The following RALGPS2 variants were observed in gnomAD, a reference collection of about 807,000 sequenced individuals.
RALGPS2 encodes the protein ras-specific guanine nucleotide-releasing factor RalGPS2.
A neutral mutation model predicts 86.8 loss-of-function variants in RALGPS2; 43 were observed. The ratio of observed to expected loss-of-function variants is 0.50; its 90% CI spans 0.39 to 0.64. The LOEUF (loss-of-function observed/expected upper bound fraction) is 0.64, where lower values mean the gene tolerates loss of function less well. RALGPS2 is among the 30% of genes least tolerant of loss of function. The pLI is 0.00. For synonymous variants in RALGPS2, 243 were observed against 231.3 expected, an observed-to-expected ratio of 1.05 and a Z score of -0.46; for missense variants, 536 against 694.6, an observed-to-expected ratio of 0.77 and a Z score of 2.57.
At chr1:178,885,328 G>A (rs906393601) in intron 12 of RALGPS2, 117 bp downstream of exon 12, 7 of 990,844 alleles carry the variant, frequency 7.1e-6, no homozygotes, top group Non-Finnish European at 9.8e-6. Flanking sequence ...TTTCTTAATA[G>A]CTGTTTTCTG....
chr1:178,879,269 TTCAA>T (rs1218011324), intron 10 of RALGPS2: 42 of 253,070 alleles, frequency 1.7e-4, no homozygotes, highest in Non-Finnish European at 2.7e-4. Flanking sequence ...TTCCCCCATA[TTCAA>T]TCATTGAATC....
intron 8 of RALGPS2, chr1:178,851,359 A>C: frequency 1.3e-6 from 2 of 1,564,028 alleles, no homozygotes; most frequent in Non-Finnish European, 1.7e-6. Flanking sequence ...AGTTTCTTCT[A>C]GGTGTGGTAC....
chr1:178,831,740 A>G (rs1656032935), intron 7 of RALGPS2, among the ~76,000 whole-genome samples: 1 of 151,832 alleles, frequency 6.6e-6, no homozygotes, highest in South Asian at 2.1e-4. Flanking sequence ...AAGGCTTCTC[A>G]GTTAATAGAG....
chr1:178,899,956 A>G (rs938292871), intron 17 of RALGPS2, among the ~76,000 whole-genome samples: 7 of 151,926 alleles, frequency 4.6e-5, no homozygotes, highest in Non-Finnish European at 7.4e-5. Context: ...TGTCTCTTCA[A>G]TTTCTTAGAA....
At chr1:178,879,130 A>G in intron 10 of RALGPS2, 138 bp downstream of exon 10, 11 of 1,211,186 alleles carry the variant, frequency 9.1e-6, no homozygotes, top group Non-Finnish European at 9.9e-6. Flanking sequence ...TAAAGGTACT[A>G]ACATGTATTA....
At chr1:178,786,507 T>TGG (rs1653656267) in intron 4 of RALGPS2, among the ~76,000 whole-genome samples, 2 of 152,060 alleles carry the variant, frequency 1.3e-5, no homozygotes, top group East Asian at 3.9e-4. Flanking sequence ...ACTATAAGCA[T>TGG]GGGGGTGTGT....
chr1:178,833,003 A>C (rs1354801713), intron 7 of RALGPS2, among the ~76,000 whole-genome samples: 1 of 152,086 alleles, frequency 6.6e-6, no homozygotes, highest in Non-Finnish European at 1.5e-5. Context: ...AAAAAGTGTT[A>C]ATCGCAAAAT....
intron 12 of RALGPS2, 27 bp from the exon 13 acceptor site, chr1:178,885,942 G>C: frequency 6.5e-7 from 1 of 1,539,464 alleles, no homozygotes; most frequent in Non-Finnish European, 8.8e-7. Flanking sequence ...AATAATAAAA[G>C]ATATGAACTT....
chr1:178,875,001 G>A (rs1290320910), intron 8 of RALGPS2, among the ~76,000 whole-genome samples: 1 of 152,090 alleles, frequency 6.6e-6, no homozygotes, highest in East Asian at 1.9e-4. Flanking sequence ...ATTTATAAGG[G>A]AATCAAAAAT....
At chr1:178,820,850 A>G (rs189486652) in intron 6 of RALGPS2, among the ~76,000 whole-genome samples, 141 of 152,286 alleles carry the variant, frequency 9.3e-4, no homozygotes, top group Non-Finnish European at 1.5e-3. Flanking sequence ...CGGGCTTTCA[A>G]TTAAATGCTG....
At chr1:178,828,195 C>A (rs1270451441) in intron 7 of RALGPS2, among the ~76,000 whole-genome samples, 1 of 152,186 alleles carries the variant, frequency 6.6e-6, no homozygotes, top group East Asian at 1.9e-4. Context: ...GCAAATAATA[C>A]ATCTGATAAG....
rs991024191 is a variant in RALGPS2, at chr1:178,754,158, T to C, written c.-83-22524T>C. ...AGGTTTTTAAGTTGAGGAGCTTCTGTATAATTTGGGAGAATTTACAGTGTA... is the reference window on the plus strand; with the variant it reads ...AGGTTTTTAAGTTGAGGAGCTTCTGCATAATTTGGGAGAATTTACAGTGTA... On this transcript the variant is annotated intron_variant, in intron 1 of 19. Transcript: ENST00000367635. 6.6e-5 allele frequency among the ~76,000 whole-genome samples: 10 copies of C among 151,990 alleles called. No homozygotes were observed. In the South Asian group the frequency reaches 1.9e-3, roughly 28 times the overall value.
At chr1:178,834,409 G>C (rs1572380603) in intron 8 of RALGPS2, among the ~76,000 whole-genome samples, 1 of 152,316 alleles carries the variant, frequency 6.6e-6, no homozygotes. Flanking sequence ...ACCTTGAAGT[G>C]TTTACAGTCC....
intron 8 of RALGPS2, among the ~76,000 whole-genome samples, chr1:178,840,640 C>CT (rs1446902832): frequency 3.3e-5 from 5 of 152,102 alleles, no homozygotes; most frequent in African/African-American, 9.7e-5. Context: ...CAAGAAATAA[C>CT]TAAGATCAGA....
At chr1:178,777,730 A>G (rs1280048521) in intron 2 of RALGPS2, among the ~76,000 whole-genome samples, 1 of 152,214 alleles carries the variant, frequency 6.6e-6, no homozygotes, top group African/African-American at 2.4e-5. Context: ...GCCCTCGGAA[A>G]TAACACCGCA....
chr1:178,797,803 TC>T (rs1157671110), intron 4 of RALGPS2, among the ~76,000 whole-genome samples: 6 of 152,062 alleles, frequency 3.9e-5, no homozygotes, highest in Non-Finnish European at 8.8e-5. Flanking sequence ...CAAAGATCTC[TC>T]CCTGTGCTAC....
At chr1:178,815,276 G>T (rs1655173246) in intron 6 of RALGPS2, among the ~76,000 whole-genome samples, 1 of 151,634 alleles carries the variant, frequency 6.6e-6, no homozygotes, top group South Asian at 2.1e-4. Flanking sequence ...AGTAGGACAG[G>T]GTTTTGCCAT....
At position 178,893,451 on chromosome 1, in the gene RALGPS2, TTC is replaced by T. The variant is rs199503762; in HGVS notation, c.1326-466_1326-465del. 6.5e-3 allele frequency among the ~76,000 whole-genome samples: 965 copies of T among 148,004 alleles called. 5 individuals are homozygous for T. The highest frequency in any genetic ancestry group is 0.012 in the Non-Finnish European group (807 of 66,130). On this transcript the variant is annotated intron_variant, in intron 15 of 19. Transcript: ENST00000367635. ...ATTTTAGAATTAAATTAAGCATGTT[TTC>T]TTTTTTTTTTTTTGAGCTTGTATTT...
rs77454129 is a variant in RALGPS2 at position 178,771,236 on chromosome 1, T to A, written c.-83-5446T>A. Among the ~76,000 whole-genome samples the A allele has an allele frequency of 1.5e-3, 233 of 152,326 alleles. 3 individuals carry two copies. The highest frequency in any genetic ancestry group is 5.3e-3 in the African/African-American group (221 of 41,572). On this transcript the variant is annotated intron_variant, in intron 1 of 19. Transcript: ENST00000367635. ...CCAATTTTGTGAATTACCATTAATA[T>A]CTCTTAAAGCATTTACTACCATCCA...
Sources: gnomAD v4.1 joint callset for allele counts (sites outside exome capture counted in the v4.1 genomes callset) on GRCh38, gnomAD v4.1.1 for gene constraint, MANE v1.5 for transcripts, NCBI Gene and HGNC (gene_info 2026-07-23, HGNC 2026-07-21) for gene names.